The following APBA2 variants were observed in gnomAD, a reference collection of about 807,000 sequenced individuals.
The protein encoded by APBA2 is amyloid beta precursor protein binding family A member 2, also known as amyloid-beta A4 precursor protein-binding family A member 2.
Under a neutral mutation model 75.0 loss-of-function variants are expected in APBA2, and 30 were observed. That is an observed-to-expected ratio of 0.40 (90% CI 0.30 to 0.54). The LOEUF is 0.54. Among genes scored for constraint, APBA2 ranks in the 20% least tolerant of loss-of-function variants. The probability of loss-of-function intolerance (pLI) is 0.49; values close to 1 mark genes in which losing one functional copy is unlikely to be tolerated. For synonymous variants in APBA2, 444 were observed against 409.6 expected (o/e 1.08, Z -1.01); for missense variants, 801 against 1,016.1 (o/e 0.79, Z 2.88).
chr15:28,915,209 G>A (rs1189295550), intron 1 of APBA2, among the ~76,000 whole-genome samples: 9 of 1,760 alleles, frequency 5.1e-3, no homozygotes, highest in South Asian at 0.017. Flanking sequence ...CACACATAGC[G>A]CATACACACC....
chr15:29,113,775 T>C (rs1567033151), intron 13 of APBA2, 101 bp from the exon 14 acceptor site: 5 of 1,479,678 alleles, frequency 3.4e-6, no homozygotes, highest in Non-Finnish European at 4.6e-6. Flanking sequence ...GTATTCATCA[T>C]GTGGCGCTTT....
intron 3 of APBA2, among the ~76,000 whole-genome samples, chr15:28,999,968 A>G (rs2038755804): frequency 6.6e-6 from 1 of 152,158 alleles, no homozygotes; most frequent in African/African-American, 2.4e-5. Context: ...GAGAAGACCA[A>G]TGTCCCAGTC....
At chr15:28,913,139 T>G (rs2033509205) in intron 1 of APBA2, among the ~76,000 whole-genome samples, 1 of 152,238 alleles carries the variant, frequency 6.6e-6, no homozygotes, top group Non-Finnish European at 1.5e-5. Context: ...TGCAAAAACT[T>G]CTGGGCCAAA....
intron 1 of APBA2, among the ~76,000 whole-genome samples, chr15:28,899,674 G>A (rs540441105): frequency 1.3e-5 from 2 of 152,206 alleles, no homozygotes; most frequent in African/African-American, 2.4e-5. Context: ...CTGGACACGC[G>A]TGCAGGCCTG....
chr15:29,098,993 C>G (rs966881777), intron 9 of APBA2, among the ~76,000 whole-genome samples: 1 of 152,182 alleles, frequency 6.6e-6, no homozygotes, highest in Non-Finnish European at 1.5e-5. Flanking sequence ...CTTCCTCATC[C>G]CATGTCTGTC....
At chr15:28,995,034 A>G (rs927148918) in intron 2 of APBA2, among the ~76,000 whole-genome samples, 2 of 152,108 alleles carry the variant, frequency 1.3e-5, no homozygotes, top group Admixed American at 6.5e-5. Context: ...GATGTTGCAG[A>G]CAATTGAACA....
chr15:28,890,826 G>A (rs576762821), intron 1 of APBA2, among the ~76,000 whole-genome samples: 1 of 152,346 alleles, frequency 6.6e-6, no homozygotes, highest in South Asian at 2.1e-4. Context: ...AAGTCATTTG[G>A]TGTGGCCACG....
intron 3 of APBA2, among the ~76,000 whole-genome samples, chr15:29,027,691 C>G (rs999900350): frequency 6.6e-6 from 1 of 151,884 alleles, no homozygotes; most frequent in African/African-American, 2.4e-5. Context: ...CAGCCTCCGC[C>G]TCCCGGGTTC....
At chr15:28,890,022 T>C (rs2032024324) in intron 1 of APBA2, among the ~76,000 whole-genome samples, 1 of 152,144 alleles carries the variant, frequency 6.6e-6, no homozygotes, top group East Asian at 1.9e-4. Flanking sequence ...CTTAGCGCTG[T>C]TGTTGGATGA....
intron 2 of APBA2, among the ~76,000 whole-genome samples, chr15:28,960,687 G>A (rs543059990): frequency 1.3e-5 from 2 of 151,784 alleles, no homozygotes; most frequent in East Asian, 1.9e-4. Context: ...CTTTGCCCAC[G>A]TCAGAGCCAA....
In APBA2 at chr15:28,918,899, T is replaced by G. The variant is rs1011259791; in HGVS notation, c.-204-2741T>G. Among the ~76,000 whole-genome samples, 25 of 151,636 alleles carry G rather than the reference T, an allele frequency of 1.6e-4. No homozygotes were observed. Among genetic ancestry groups the G allele is most frequent in the Admixed American group, 1.4e-3 (21 of 15,256 alleles). Reference sequence around the variant, plus strand: ...TTTGTAGACGGAGTCGCGCTCTGTCTCCCAGGCTGGAGTGCAGTGGCGCTA... The same window carrying G: ...TTTGTAGACGGAGTCGCGCTCTGTCGCCCAGGCTGGAGTGCAGTGGCGCTA... On this transcript the variant is annotated intron_variant, in intron 1 of 14. Transcript: ENST00000683413. This position sits in a 1 kb window ranked among gnomAD's most constrained non-coding sequence, Gnocchi z 4.2.
At chr15:29,098,382 G>C in intron 8 of APBA2, 108 bp from the exon 9 acceptor site, 1 of 778,932 alleles carries the variant, frequency 1.3e-6, no homozygotes, top group South Asian at 1.4e-5. Context: ...TTTTAATTTG[G>C]ATTTATCTGG....
At chr15:29,056,044 A>C (rs2041870595) in intron 4 of APBA2, among the ~76,000 whole-genome samples, 1 of 152,156 alleles carries the variant, frequency 6.6e-6, no homozygotes, top group African/African-American at 2.4e-5. Context: ...GTCCCACAAC[A>C]GTGGTGAAGG....
intron 3 of APBA2, among the ~76,000 whole-genome samples, chr15:29,024,559 C>A (rs2040121243): frequency 6.6e-6 from 1 of 152,216 alleles, no homozygotes; most frequent in Non-Finnish European, 1.5e-5. Context: ...TGCATCAAAT[C>A]CCATCTTCAG....
At chr15:29,064,315 G>C (rs1357480632) in intron 4 of APBA2, among the ~76,000 whole-genome samples, 2 of 152,194 alleles carry the variant, frequency 1.3e-5, no homozygotes, top group African/African-American at 4.8e-5. Flanking sequence ...GGCTGCTCCT[G>C]ATGTGGGGGG....
chr15:28,949,251 G>A (rs997130234), intron 2 of APBA2, among the ~76,000 whole-genome samples: 2 of 152,156 alleles, frequency 1.3e-5, no homozygotes, highest in Non-Finnish European at 2.9e-5. Context: ...GGGCAGGTGT[G>A]TATTCATGTG....
At chr15:28,904,923 C>T (rs1325226141) in intron 1 of APBA2, among the ~76,000 whole-genome samples, 6 of 152,170 alleles carry the variant, frequency 3.9e-5, no homozygotes, top group East Asian at 1.9e-4. Context: ...CTGATTGTCC[C>T]ACTCACCAGC....
At chr15:29,107,503 C>T (rs531111015) in intron 12 of APBA2, among the ~76,000 whole-genome samples, 4 of 152,294 alleles carry the variant, frequency 2.6e-5, no homozygotes, top group South Asian at 2.1e-4. Context: ...CTGGAGGAAG[C>T]GCCTTCCTCC....
At chr15:28,954,549 C>A (rs1220501575) in intron 2 of APBA2, among the ~76,000 whole-genome samples, 1 of 152,178 alleles carries the variant, frequency 6.6e-6, no homozygotes, top group Non-Finnish European at 1.5e-5. Flanking sequence ...TGCACAGGCA[C>A]CCCCACATTA....
Sources: gnomAD v4.1 joint callset for allele counts (sites outside exome capture counted in the v4.1 genomes callset) on GRCh38, gnomAD v4.1.1 for gene constraint, Gnocchi (gnomAD v3.1) non-coding constraint, MANE v1.5 for transcripts, NCBI Gene and HGNC (gene_info 2026-07-23, HGNC 2026-07-21) for gene names.